Variants in MUC4 observed in about 807,000 individuals in gnomAD.
MUC4 encodes the protein mucin-4.
In MUC4, 202 loss-of-function variants were observed where a neutral mutation model predicts 257.9. The observed-to-expected ratio is 0.78, with a 90% confidence interval of 0.70 to 0.88. The LOEUF is 0.88. Ranked by LOEUF, MUC4 falls within the 40% of genes least tolerant of loss-of-function variation. The pLI is 0.00. For synonymous variants in MUC4, 2,351 were observed against 2,757.1 expected, an observed-to-expected ratio of 0.85 and a Z score of 4.62; for missense variants, 5,976 against 6,513.7, an observed-to-expected ratio of 0.92 and a Z score of 2.84.
rs201198170 is a variant in MUC4 at position 195,751,026 on chromosome 3, A to G, written c.15734T>C (p.Ile5245Thr). The stretch of plus-strand genomic sequence containing the variant: ...CAGCAGCTGGTTGTTCAGGAAGTCA[A>G]TGACCGGGCCCCGAGGGCGGTACTG... ...EFQYRPRGPV[I>T]DFLNNQLLAA... Residue 5245 changes from isoleucine (I) to threonine (T), a missense_variant, in exon 23 of 25, where the codon ATT (isoleucine) becomes ACT (threonine). Physicochemically the swap from Ile to Thr is moderately conservative, Grantham distance 89. Around this residue, in one of 44 missense-constraint regions of MUC4, gnomAD observed 310 missense variants for 242.1 expected, o/e 1.28. Transcript: ENST00000463781. 70 of 1,613,966 alleles carry G rather than the reference A, an allele frequency of 4.3e-5. No homozygotes were observed. In the African/African-American group the frequency reaches 7.9e-4, roughly 18 times the overall value.
rs1006728952 is a variant in MUC4, at chr3:195,789,087, T to C, written c.2493A>G (p.Ser831=). 8.1e-6 allele frequency: 13 copies of C among 1,613,192 alleles called. No individual in the cohort carries two copies. Among genetic ancestry groups the C allele is most frequent in the African/African-American group, 1.3e-5 (1 of 74,830 alleles). The change falls in exon 2 of 25, where the codon TCA becomes TCG. Residue 831 remains serine (S), a synonymous_variant. Transcript: ENST00000463781. ...ISTSGETTRF[S]SNPSRDSHTT... ...TGTGACTGTCCCTGGAGGGGTTTGA[T>C]GAAAACCTTGTCGTCTCTCCTGAGG...
rs1189223941 is a variant in MUC4, at chr3:195,778,938, AGTGT to A, written c.12638_12641del (p.Asp4213ValfsTer45). On this transcript the variant is annotated frameshift_variant, in exon 2 of 25. Coordinates refer to ENST00000463781, the MANE Select transcript of MUC4 (RefSeq NM_018406.7). LOFTEE classifies it high-confidence loss of function. ...TGGCGTGACCTGTGGATGCTGAGGA[AGTGT>A]CGGTGACAGGAAGAGGGGTGGCGTG... 6.6e-7 allele frequency: 1 copy of A among 1,511,046 alleles called. No individual in the cohort carries two copies. The highest frequency in any genetic ancestry group is 1.4e-5 in the African/African-American group (1 of 70,752). The allele number at this position is 1,511,046 out of a possible 1,614,324, so 93.6% of individuals were successfully genotyped here. A position where few individuals can be genotyped will look rare whatever the true frequency, so the allele number is the denominator to read the frequency against.
Position 195,747,035 on chromosome 3 carries a change from A to C in MUC4, c.*141T>G. The C allele has an allele frequency of 8.3e-7, 1 of 1,198,842 alleles. No individual in the cohort carries two copies. Among genetic ancestry groups the C allele is most frequent in the South Asian group, 1.4e-5 (1 of 69,452 alleles). The allele number at this position is 1,198,842 out of a possible 1,614,324, so 74.3% of individuals were successfully genotyped here. A position where few individuals can be genotyped will look rare whatever the true frequency, so the allele number is the denominator to read the frequency against. ...ATGGATAAGGTATAGTCTTGTCTTG[A>C]TTCCCAGTATTCATTCTCCTTGAAG... is the stretch of plus-strand genomic sequence containing the variant. On this transcript the variant is annotated 3_prime_UTR_variant, in exon 25 of 25. Coordinates refer to ENST00000463781, the MANE Select transcript of MUC4 (RefSeq NM_018406.7).
intron 7 of MUC4, among the ~76,000 whole-genome samples, chr3:195,767,504 C>CCACCATCACCAT (rs1273737246): frequency 2.2e-5 from 3 of 137,368 alleles, no homozygotes; most frequent in Non-Finnish European, 4.8e-5. Context: ...ACCATCACCA[C>CCACCATCACCAT]CACCATCACC....
intron 1 of MUC4, among the ~76,000 whole-genome samples, chr3:195,794,402 GAGAGAGAGAAAGAA>G (rs1734304577): frequency 6.6e-6 from 1 of 151,900 alleles, no homozygotes; most frequent in African/African-American, 2.4e-5. Context: ...AAGAAAGAGA[GAGAGAGAGAAAGAA>G]AGAGAGAGAG....
chr3:195,802,785 C>T (rs894896690), intron 1 of MUC4, among the ~76,000 whole-genome samples: 6 of 152,198 alleles, frequency 3.9e-5, no homozygotes, highest in Non-Finnish European at 7.3e-5. Context: ...CAAGGGATTT[C>T]TCGTTTCTGC....
Position 195,754,331 on chromosome 3 carries a change from G to C in MUC4, c.15210C>G (p.Tyr5070Ter), listed in dbSNP as rs771733874. The change falls in exon 19 of 25, where the codon TAC becomes TAG. Residue 5070 changes from tyrosine (Y) to a stop codon, truncating the protein, a stop_gained. Coordinates refer to ENST00000463781, the MANE Select transcript of MUC4 (RefSeq NM_018406.7). LOFTEE classifies it high-confidence loss of function. ...CACAGGCATCCTCGGAGCCCTCGCA[G>C]TAGCGGCCGAAGGTGCCCCCGTCAC... ...CKCDGGTFGR[Y>*]CEGSEDACEE... The C allele has an allele frequency of 4.3e-6, 7 of 1,612,228 alleles. No individual in the cohort carries two copies. The highest frequency in any genetic ancestry group is 5.9e-6 in the Non-Finnish European group (7 of 1,179,674).
At chr3:195,797,756 T>G (rs1428726910) in intron 1 of MUC4, among the ~76,000 whole-genome samples, 1 of 152,184 alleles carries the variant, frequency 6.6e-6, no homozygotes, top group African/African-American at 2.4e-5. Flanking sequence ...ACATAGAAAC[T>G]TCCCAAACAT....
At chr3:195,800,769 G>A (rs1445272718) in intron 1 of MUC4, among the ~76,000 whole-genome samples, 1 of 151,862 alleles carries the variant, frequency 6.6e-6, no homozygotes, top group Non-Finnish European at 1.5e-5. Context: ...TAAGAAAATG[G>A]TTCTCAGCTG....
At position 195,782,639 on chromosome 3, in the gene MUC4, CG is replaced by C. The variant is rs1728800542; in HGVS notation, c.8940del (p.Asp2981ThrfsTer23). 1 of 832,170 alleles carries C rather than the reference CG, an allele frequency of 1.2e-6. No homozygotes were observed. Among genetic ancestry groups the C allele is most frequent in the Admixed American group, 3.1e-5 (1 of 32,096 alleles). The allele number at this position is 832,170 out of a possible 1,614,324, so 51.5% of individuals were successfully genotyped here. Reference protein sequence around the residue: ...STGHATPLPDTDTSSASTGHA... With the variant: ...STGHATPLPDXDTSSASTGHA... ...TGACCTGTGGATGCTGAGGAAGTGT[CG>C]GTGTCAGGAAGAGGGGTGGCGTGAC... On this transcript the variant is annotated frameshift_variant, in exon 2 of 25. Transcript: ENST00000463781. LOFTEE classifies it high-confidence loss of function.
rs1728696859 is a variant in MUC4 at position 195,782,508 on chromosome 3, AGGGGTGGCGT to A, written c.9062_9071del (p.His3021LeufsTer1235). On this transcript the variant is annotated frameshift_variant, in exon 2 of 25. Transcript: ENST00000463781. LOFTEE classifies it high-confidence loss of function. The stretch of plus-strand genomic sequence containing the variant: ...CTGAGGAAGGGCTGGTGACATGAAG[AGGGGTGGCGT>A]GACCTGTGGATATTGAGGAAGTGTC... The A allele has an allele frequency of 8.7e-7, 1 of 1,154,702 alleles. No homozygotes were observed. The highest frequency in any genetic ancestry group is 2.3e-5 in the Admixed American group (1 of 42,680). 71.5% of individuals were successfully genotyped at this position (1,154,702 alleles called of 1,614,324 possible).
In MUC4 at chr3:195,775,037, A is replaced by G. The variant is rs190334224; in HGVS notation, c.12944-732T>C. On this transcript the variant is annotated intron_variant, in intron 3 of 24. Transcript: ENST00000463781. ...CTTGAAGACTCCTCCAATTTAACCTAGGACTCCCTAGAGGCCCTCGGGCTC... is the reference window on the plus strand; with the variant it reads ...CTTGAAGACTCCTCCAATTTAACCTGGGACTCCCTAGAGGCCCTCGGGCTC... 5.3e-5 allele frequency among the ~76,000 whole-genome samples: 8 copies of G among 152,134 alleles called. No homozygotes were observed. The East Asian group carries it at 1.5e-3, about 29-fold the overall frequency.
Position 195,746,990 on chromosome 3 carries a change from C to A in MUC4, c.*186G>T, listed in dbSNP as rs1004517677. The A allele has an allele frequency of 3.4e-5, 29 of 846,622 alleles. No homozygotes were observed. In the South Asian group the frequency reaches 3.8e-4, roughly 11 times the overall value. The allele number at this position is 846,622 out of a possible 1,614,324, so 52.4% of individuals were successfully genotyped here. ...CATGCATGTTTGATCTTTATGGCCT[C>A]CCCCTGTGCACCTGCGCCTATGGAT... On this transcript the variant is annotated 3_prime_UTR_variant, in exon 25 of 25. Transcript: ENST00000463781.
chr3:195,803,300 T>C (rs928661905), intron 1 of MUC4, among the ~76,000 whole-genome samples: 2 of 152,258 alleles, frequency 1.3e-5, no homozygotes, highest in African/African-American at 2.4e-5. Context: ...GTGCCTTCCT[T>C]ATCAAGGCTT....
At chr3:195,798,022 G>T (rs796506165) in intron 1 of MUC4, among the ~76,000 whole-genome samples, 4 of 152,268 alleles carry the variant, frequency 2.6e-5, no homozygotes, top group African/African-American at 9.6e-5. Flanking sequence ...AGAAGTTGAG[G>T]GGGGAGGATC....
chr3:195,749,768 G>A (rs536966978), intron 23 of MUC4: 1 of 150,782 alleles, frequency 6.6e-6, no homozygotes, highest in South Asian at 2.1e-4. Flanking sequence ...AGTAAAAAAT[G>A]GATGTCTGAA....
Position 195,759,231 on chromosome 3 carries a change from C to G in MUC4, c.14879G>C (p.Arg4960Pro). 1.2e-6 allele frequency: 2 copies of G among 1,614,014 alleles called. No homozygotes were observed. The highest frequency in any genetic ancestry group is 1.7e-6 in the Non-Finnish European group (2 of 1,179,980). Residue 4960 changes from arginine to proline, a missense_variant, in exon 17 of 25, where the codon CGT becomes CCT. Physicochemically the swap from Arg to Pro is moderately radical, Grantham distance 103. This residue lies in a region of MUC4 where 996 missense variants were observed against 1,137.3 expected (regional missense o/e 0.88). Transcript: ENST00000463781. ...NQYPPSINGG[R>P]VIEAYKGQTT... ...CTGCCCCTTGTAGGCTTCAATCACACGACCACCATTGATGGAGGGCGGGTA... is the reference window on the plus strand; with the variant it reads ...CTGCCCCTTGTAGGCTTCAATCACAGGACCACCATTGATGGAGGGCGGGTA...
At chr3:195,750,715 T>A in intron 23 of MUC4, 174 bp downstream of exon 23, 2 of 646,790 alleles carry the variant, frequency 3.1e-6, no homozygotes, top group Non-Finnish European at 5.3e-6. Flanking sequence ...GCCTCAGCAG[T>A]GCTGGCTGCT....
In MUC4 at chr3:195,764,132, G is replaced by A. The variant is rs767067185; in HGVS notation, c.13957C>T (p.Arg4653Cys). The A allele has an allele frequency of 3.3e-5, 52 of 1,585,716 alleles. No individual in the cohort carries two copies. The highest frequency in any genetic ancestry group is 2.7e-4 in the Admixed American group (15 of 55,782). Residue 4653 changes from arginine to cysteine, a missense_variant, in exon 11 of 25, where the codon CGC becomes TGC. Arg to Cys is a radical substitution (Grantham distance 180). This residue lies in a region of MUC4 where 996 missense variants were observed against 1,137.3 expected (regional missense o/e 0.88). Transcript: ENST00000463781. ...QELEPQSWCC[R>C]WNDKPYLCAL... is the part of the protein sequence containing the mutation. ...CAGAGGTAGGGCTTGTCATTCCAGC[G>A]GCAGCACCAGCTCTGTGGCTCCAGT...
Sources: allele counts gnomAD v4.1 joint callset (sites outside exome capture counted in the v4.1 genomes callset), GRCh38; gene constraint gnomAD v4.1.1; regional missense constraint gnomAD v4.1.1; transcripts MANE v1.5; gene names NCBI Gene and HGNC (gene_info 2026-07-23, HGNC 2026-07-21).